The following PRKN variants were observed in gnomAD, a reference collection of about 807,000 sequenced individuals.
PRKN encodes parkin RBR E3 ubiquitin protein ligase, also known as E3 ubiquitin-protein ligase parkin.
PRKN carries 56 observed loss-of-function variants against 59.5 expected under a neutral mutation model. That is an observed-to-expected ratio of 0.94 (90% CI 0.76 to 1.18). PRKN has a LOEUF of 1.18. PRKN is among the 50% of genes most tolerant of loss of function. The pLI, the probability that PRKN is intolerant of heterozygous loss-of-function variation, is 0.00. For missense variants in PRKN, 657 were observed against 596.4 expected (o/e 1.10, Z -1.06); for synonymous variants, 250 against 222.1 (o/e 1.13, Z -1.12).
intron 1 of PRKN, among the ~76,000 whole-genome samples, chr6:162,448,803 TTTC>T (rs1790444399): frequency 2.6e-5 from 4 of 151,616 alleles, no homozygotes; most frequent in African/African-American, 9.7e-5. Flanking sequence ...TTTCTTTCTC[TTTC>T]TCTTTCTTTC....
chr6:161,947,440 T>C (rs992423072), intron 6 of PRKN, among the ~76,000 whole-genome samples: 1 of 152,208 alleles, frequency 6.6e-6, no homozygotes, highest in Non-Finnish European at 1.5e-5. Flanking sequence ...CTTTATTGAT[T>C]CCAAATGGTT....
At chr6:161,368,215 A>G (rs527578421) in intron 10 of PRKN, among the ~76,000 whole-genome samples, 12 of 150,484 alleles carry the variant, frequency 8.0e-5, no homozygotes, top group African/African-American at 2.9e-4. Flanking sequence ...GGAGTTCAAG[A>G]CCAGCCTGCG....
intron 1 of PRKN, among the ~76,000 whole-genome samples, chr6:162,667,994 A>G (rs1354820435): frequency 6.6e-6 from 1 of 152,198 alleles, no homozygotes; most frequent in African/African-American, 2.4e-5. Flanking sequence ...GATAACTCAT[A>G]GACAAGAGAG....
At chr6:161,695,227 A>G (rs927165091) in intron 7 of PRKN, among the ~76,000 whole-genome samples, 4 of 152,208 alleles carry the variant, frequency 2.6e-5, no homozygotes, top group Admixed American at 6.5e-5. Flanking sequence ...TACAAAAGGA[A>G]TGGAAAAGCT....
Position 161,476,069 on chromosome 6 carries a change from C to T in PRKN, c.1083+72785G>A, listed in dbSNP as rs187408314. Among the ~76,000 whole-genome samples, 842 of 151,840 alleles carry T rather than the reference C, an allele frequency of 5.5e-3. 1 individual carries two copies. Among genetic ancestry groups the T allele is most frequent in the Non-Finnish European group, 9.0e-3 (610 of 67,924 alleles). ...GGGCGTGGTGGCGGGCGCCTGTAGT[C>T]CCAGCTACTCAGGAGGCTGAGGCCG... is the stretch of plus-strand genomic sequence containing the variant. On this transcript the variant is annotated intron_variant, in intron 9 of 11. Coordinates refer to ENST00000366898, the MANE Select transcript of PRKN (RefSeq NM_004562.3).
rs1784464533 is a variant in PRKN at position 161,350,148 on chromosome 6, C to CCA, written c.1347_1348dup (p.Gly450ValfsTer192). 6.2e-7 allele frequency: 1 copy of CCA among 1,613,548 alleles called. No homozygotes were observed. Among genetic ancestry groups the CCA allele is most frequent in the Non-Finnish European group, 8.5e-7 (1 of 1,179,976 alleles). On this transcript the variant is annotated frameshift_variant, in exon 12 of 12. Transcript: ENST00000366898. LOFTEE classifies it high-confidence loss of function. ...CATGCAGACGCGGTTCCACTCGCAG[C>CCA]CACAGTTCCAGCACCACTCGAGCCT...
chr6:161,666,600 G>A (rs1784735773), intron 7 of PRKN, among the ~76,000 whole-genome samples: 2 of 152,118 alleles, frequency 1.3e-5, no homozygotes. Flanking sequence ...GTGAGTCATT[G>A]CAACAAATAA....
chr6:161,977,670 C>A (rs1184641916), intron 5 of PRKN, among the ~76,000 whole-genome samples: 2 of 151,692 alleles, frequency 1.3e-5, no homozygotes, highest in Non-Finnish European at 2.9e-5. Context: ...CCTCAGCCTC[C>A]CAAGTAGCTG....
At chr6:162,690,586 G>A (rs970539407) in intron 1 of PRKN, among the ~76,000 whole-genome samples, 2 of 152,140 alleles carry the variant, frequency 1.3e-5, no homozygotes, top group African/African-American at 4.8e-5. Context: ...CAGGGACCAA[G>A]AAACAAAAGG....
At chr6:161,673,711 C>G (rs923427840) in intron 7 of PRKN, among the ~76,000 whole-genome samples, 1 of 152,090 alleles carries the variant, frequency 6.6e-6, no homozygotes, top group African/African-American at 2.4e-5. Context: ...GGAAACAGCC[C>G]ATGGTGGCTT....
intron 2 of PRKN, among the ~76,000 whole-genome samples, chr6:162,322,703 G>T (rs959932009): frequency 6.6e-6 from 1 of 151,890 alleles, no homozygotes; most frequent in Non-Finnish European, 1.5e-5. Context: ...TTAAACAAAT[G>T]GTTCTAGAAC....
At chr6:161,351,385 C>T (rs1049920451) in intron 11 of PRKN, among the ~76,000 whole-genome samples, 6 of 150,406 alleles carry the variant, frequency 4.0e-5, no homozygotes, top group African/African-American at 7.4e-5. Context: ...AGTGCAGTGG[C>T]GAGATCTTGG....
rs1298494947 is a variant in PRKN, at chr6:161,361,707, C to A, written c.1168-1502G>T. 6.6e-6 allele frequency among the ~76,000 whole-genome samples: 1 copy of A among 152,160 alleles called. No individual in the cohort carries two copies. Among genetic ancestry groups the A allele is most frequent in the East Asian group, 1.9e-4 (1 of 5,192 alleles). ...AGCCATCATGGGCACAAAGGAAACA[C>A]CCTTGAGAACTGCCAGGGTGTCACG... On this transcript the variant is annotated intron_variant, in intron 10 of 11. Coordinates refer to ENST00000366898, the MANE Select transcript of PRKN (RefSeq NM_004562.3). The surrounding 1 kb of genome is among the most constrained non-coding windows in gnomAD (Gnocchi z 5.2).
intron 4 of PRKN, among the ~76,000 whole-genome samples, chr6:162,113,869 T>C (rs1780550074): frequency 6.6e-6 from 1 of 152,138 alleles, no homozygotes; most frequent in South Asian, 2.1e-4. Context: ...AAGTCTTTAA[T>C]CCATCTTGAA....
At chr6:162,280,905 T>C (rs1271438521) in intron 2 of PRKN, among the ~76,000 whole-genome samples, 2 of 149,298 alleles carry the variant, frequency 1.3e-5, no homozygotes, top group African/African-American at 5.0e-5. Context: ...AATCAATGAA[T>C]GCAGGAGCTG....
chr6:162,652,568 C>T (rs1399375060), intron 1 of PRKN, among the ~76,000 whole-genome samples: 2 of 152,004 alleles, frequency 1.3e-5, no homozygotes, highest in Non-Finnish European at 2.9e-5. Flanking sequence ...AAAAGCAATA[C>T]AACACAATAT....
intron 1 of PRKN, among the ~76,000 whole-genome samples, chr6:162,612,054 G>A (rs370333077): frequency 2.2e-3 from 333 of 151,324 alleles, no homozygotes; most frequent in African/African-American, 7.4e-3. Flanking sequence ...TTAGCTGGGC[G>A]TGGTGGCGGG....
intron 5 of PRKN, among the ~76,000 whole-genome samples, chr6:162,004,135 G>A (rs955417846): frequency 3.9e-5 from 6 of 152,118 alleles, no homozygotes; most frequent in East Asian, 1.9e-4. Flanking sequence ...GGAGGTCACC[G>A]GATCATGTGG....
At chr6:161,631,664 G>T (rs75057137) in intron 7 of PRKN, among the ~76,000 whole-genome samples, 3,655 of 152,094 alleles carry the variant, frequency 0.024, 138 homozygotes, top group African/African-American at 0.084. Context: ...AGATAAAAAC[G>T]CTTTTTGAAA....
Sources: gnomAD v4.1 joint callset for allele counts (sites outside exome capture counted in the v4.1 genomes callset) on GRCh38, gnomAD v4.1.1 for gene constraint, Gnocchi (gnomAD v3.1) non-coding constraint, MANE v1.5 for transcripts, NCBI Gene and HGNC (gene_info 2026-07-23, HGNC 2026-07-21) for gene names.